HAAO: variants seen among roughly 807,000 people sequenced by gnomAD.
HAAO encodes 3-hydroxyanthranilate oxygenase.
A neutral mutation model predicts 46.2 loss-of-function variants in HAAO; 49 were observed. The ratio of observed to expected loss-of-function variants is 1.06; its 90% CI spans 0.84 to 1.34. HAAO has a LOEUF of 1.34. Among genes scored for constraint, HAAO ranks in the 40% most tolerant of loss-of-function variants. The probability of loss-of-function intolerance (pLI) is 0.00; values close to 1 mark genes in which losing one functional copy is unlikely to be tolerated. For synonymous variants in HAAO, 157 were observed against 145.2 expected (o/e 1.08, Z -0.58); for missense variants, 408 against 364.5 (o/e 1.12, Z -0.97).
At chr2:42,781,834 A>G (rs1672022674) in intron 4 of HAAO, among the ~76,000 whole-genome samples, 1 of 152,050 alleles carries the variant, frequency 6.6e-6, no homozygotes, top group African/African-American at 2.4e-5. Flanking sequence ...AGATCGTGCC[A>G]TTGCACTCCA....
intron 8 of HAAO, 65 bp downstream of exon 8, chr2:42,767,795 G>T: frequency 6.4e-7 from 1 of 1,573,148 alleles, no homozygotes; most frequent in Non-Finnish European, 8.7e-7. Flanking sequence ...GGAGCCCAGG[G>T]CCGAGGAGCG....
chr2:42,776,231 C>CTTTTTTTTTTTTTTTTTTT (rs57398023), intron 4 of HAAO, among the ~76,000 whole-genome samples: 2 of 71,198 alleles, frequency 2.8e-5, no homozygotes, highest in Non-Finnish European at 5.0e-5. Context: ...TGGCATCCAT[C>CTTTTTTTTTTTTTTTTTTT]TTTTTTTTTT....
intron 4 of HAAO, 104 bp downstream of exon 4, chr2:42,783,210 A>G: frequency 1.5e-6 from 1 of 684,312 alleles, no homozygotes; most frequent in Non-Finnish European, 2.6e-6. Context: ...AGTGGCCAGG[A>G]CGTGCTTTCT....
chr2:42,788,622 G>C lies in HAAO; in HGVS notation c.81-15C>G, dbSNP rs1238740624. 1 of 1,416,364 alleles carries C rather than the reference G, an allele frequency of 7.1e-7. No individual in the cohort carries two copies. Among genetic ancestry groups the C allele is most frequent in the Non-Finnish European group, 1.0e-6 (1 of 1,003,004 alleles). The allele number at this position is 1,416,364 out of a possible 1,614,324, so 87.7% of individuals were successfully genotyped here. A position where few individuals can be genotyped will look rare whatever the true frequency, so the allele number is the denominator to read the frequency against. On this transcript the variant is annotated splice_polypyrimidine_tract_variant and intron_variant, in intron 1 of 9. Transcript: ENST00000294973. ...GCTCCTGGTGCCTGCAATGCGCAAA[G>C]TGGGGGAGACGTTCTAAACCATCTC... is the stretch of plus-strand genomic sequence containing the variant.
At chr2:42,767,979 G>T in intron 7 of HAAO, 51 bp from the exon 8 acceptor site, 1 of 1,532,190 alleles carries the variant, frequency 6.5e-7, no homozygotes, top group Non-Finnish European at 9.0e-7. Flanking sequence ...CCACATGGGA[G>T]ATGGTCTTGA....
intron 1 of HAAO, among the ~76,000 whole-genome samples, chr2:42,791,680 G>C (rs571315678): frequency 4.0e-4 from 61 of 152,312 alleles, no homozygotes; most frequent in Non-Finnish European, 7.5e-4. Flanking sequence ...TGGGCCTGCT[G>C]TTTGCCTTGA....
At chr2:42,768,499 G>A (rs930707821) in intron 7 of HAAO, among the ~76,000 whole-genome samples, 10 of 152,264 alleles carry the variant, frequency 6.6e-5, no homozygotes, top group Non-Finnish European at 1.0e-4. Context: ...TGACATGTGC[G>A]CATGTTCTCG....
intron 6 of HAAO, 47 bp downstream of exon 6, chr2:42,770,096 T>C: frequency 6.4e-7 from 1 of 1,559,888 alleles, no homozygotes; most frequent in Non-Finnish European, 8.8e-7. Flanking sequence ...CATCCTATTT[T>C]GGAAGGGGAG....
chr2:42,786,317 A>G (rs1028344409), intron 2 of HAAO, among the ~76,000 whole-genome samples: 4 of 152,146 alleles, frequency 2.6e-5, no homozygotes, highest in African/African-American at 9.7e-5. Flanking sequence ...GCTGTGGGCA[A>G]TCCTAAAGGA....
In HAAO at chr2:42,767,666, C is replaced by G; in HGVS notation, c.711G>C (p.Ser237=). ...GGCGCCGTCCCCCCATTGTCACCACCGAGGAGCCCTCCTGGAGAAGAGGAG... is the reference window on the plus strand; with the variant it reads ...GGCGCCGTCCCCCCATTGTCACCACGGAGGAGCCCTCCTGGAGAAGAGGAG... The part of the protein sequence containing the change: ...DVWLWQLEGS[S]VVTMGGRRLS... Residue 237 remains serine, a synonymous_variant, in exon 9 of 10, where the codon TCG becomes TCC. Transcript: ENST00000294973. 1 of 1,567,430 alleles carries G rather than the reference C, an allele frequency of 6.4e-7. No homozygotes were observed. Among genetic ancestry groups the G allele is most frequent in the South Asian group, 1.2e-5 (1 of 86,374 alleles).
In HAAO at chr2:42,792,580, G is replaced by A; in HGVS notation, c.-44C>T. 1.4e-6 allele frequency: 2 copies of A among 1,415,770 alleles called. No individual in the cohort carries two copies. The highest frequency in any genetic ancestry group is 2.6e-5 in the East Asian group (1 of 37,794). 87.7% of individuals were successfully genotyped at this position (1,415,770 alleles called of 1,614,324 possible). ...CTCGCAGCGCTGTCCTCCCGCCGTCGGAGGCCCGCAGCTCCGCCCAGCCGC... is the reference window on the plus strand; with the variant it reads ...CTCGCAGCGCTGTCCTCCCGCCGTCAGAGGCCCGCAGCTCCGCCCAGCCGC... On this transcript the variant is annotated 5_prime_UTR_variant, in exon 1 of 10. Coordinates refer to ENST00000294973, the MANE Select transcript of HAAO (RefSeq NM_012205.3).
rs767959776 is a variant in HAAO at position 42,767,898 on chromosome 2, CT to C, written c.660del (p.Gly221AlafsTer2). 9.9e-6 allele frequency: 16 copies of C among 1,613,908 alleles called. No individual in the cohort carries two copies. Among genetic ancestry groups the C allele is most frequent in the Admixed American group, 1.7e-5 (1 of 60,002 alleles). On this transcript the variant is annotated frameshift_variant, in exon 8 of 10. Transcript: ENST00000294973. LOFTEE classifies it high-confidence loss of function. ...QVIAYGQGSS[E>X]GLRQNVDVWL... ...CACACGTCCACATTCTGTCTCAGGCCTTCGCTGCTGCCTTGCCCATAGGCGA... is the reference window on the plus strand; with the variant it reads ...CACACGTCCACATTCTGTCTCAGGCCTCGCTGCTGCCTTGCCCATAGGCGA...
chr2:42,771,088 C>G (rs1373128958), intron 4 of HAAO, among the ~76,000 whole-genome samples: 1 of 152,120 alleles, frequency 6.6e-6, no homozygotes, highest in South Asian at 2.1e-4. Flanking sequence ...ACTTAAGAAA[C>G]CAACATGGCC....
chr2:42,769,221 C>G (rs553766762), intron 7 of HAAO, among the ~76,000 whole-genome samples: 1 of 152,200 alleles, frequency 6.6e-6, no homozygotes, highest in Non-Finnish European at 1.5e-5. Context: ...ATCCTACTCT[C>G]CCACTAAAGC....
At chr2:42,781,963 TA>T (rs1254628650) in intron 4 of HAAO, among the ~76,000 whole-genome samples, 1 of 152,232 alleles carries the variant, frequency 6.6e-6, no homozygotes. Flanking sequence ...GATTTGTCTT[TA>T]GTAAAAAGGG....
chr2:42,773,354 G>A (rs991295519), intron 4 of HAAO, among the ~76,000 whole-genome samples: 1 of 152,126 alleles, frequency 6.6e-6, no homozygotes, highest in Non-Finnish European at 1.5e-5. Context: ...ATGAGCTGGG[G>A]TAGAGAAACA....
chr2:42,775,098 T>G (rs951985082), intron 4 of HAAO, among the ~76,000 whole-genome samples: 5 of 151,968 alleles, frequency 3.3e-5, no homozygotes, highest in Non-Finnish European at 5.9e-5. Context: ...AATACAAAAA[T>G]TAGCTGGGCG....
Position 42,782,916 on chromosome 2 carries a change from C to T in HAAO, c.350+398G>A, listed in dbSNP as rs1325465009. ...TGTATAAAGCCGAGCTGTGCTCTTA[C>T]GACTTTGGGCACATGTCATCAGGAC... is the stretch of plus-strand genomic sequence containing the variant. On this transcript the variant is annotated intron_variant, in intron 4 of 9. Coordinates refer to ENST00000294973, the MANE Select transcript of HAAO (RefSeq NM_012205.3). 15 of 461,050 alleles carry T rather than the reference C, an allele frequency of 3.3e-5. No individual in the cohort carries two copies. In the Admixed American group the frequency reaches 3.3e-4, roughly 10 times the overall value. The allele number at this position is 461,050 out of a possible 1,614,324, so 28.6% of individuals were successfully genotyped here.
chr2:42,775,530 G>A (rs1472681419), intron 4 of HAAO, among the ~76,000 whole-genome samples: 1 of 60,406 alleles, frequency 1.7e-5, no homozygotes, highest in East Asian at 2.1e-4. Flanking sequence ...CATCCAAGGG[G>A]TGTGTGTGTG....
Sources: gnomAD v4.1 joint callset for allele counts (sites outside exome capture counted in the v4.1 genomes callset) on GRCh38, gnomAD v4.1.1 for gene constraint, MANE v1.5 for transcripts, NCBI Gene and HGNC (gene_info 2026-07-23, HGNC 2026-07-21) for gene names.